ACYP2: variants seen among roughly 807,000 people sequenced by gnomAD.
ACYP2 encodes acylphosphatase-2.
In ACYP2, 12 loss-of-function variants were observed where a neutral mutation model predicts 11.2. The ratio of observed to expected loss-of-function variants is 1.08; its 90% CI spans 0.69 to 1.74. The LOEUF is 1.74. Among genes scored for constraint, ACYP2 ranks in the 40% most tolerant of loss-of-function variants. ACYP2 has a pLI of 0.00. For missense variants in ACYP2, 134 were observed against 101.9 expected, an observed-to-expected ratio of 1.31 and a Z score of -1.35; for synonymous variants, 43 against 32.2, an observed-to-expected ratio of 1.33 and a Z score of -1.13.
chr2:53,984,794 C>G (rs1236196007), intron 2 of ACYP2, among the ~76,000 whole-genome samples: 1 of 151,490 alleles, frequency 6.6e-6, no homozygotes, highest in African/African-American at 2.4e-5. Context: ...AAAACAAAAC[C>G]CAACATCTTA....
At chr2:54,243,715 G>T (rs1686828406) in intron 6 of ACYP2, among the ~76,000 whole-genome samples, 1 of 152,040 alleles carries the variant, frequency 6.6e-6, no homozygotes. Context: ...GATTACAGAT[G>T]CATGCCACCA....
At chr2:54,021,037 G>T (rs1424350928) in intron 2 of ACYP2, among the ~76,000 whole-genome samples, 1 of 152,192 alleles carries the variant, frequency 6.6e-6, no homozygotes, top group African/African-American at 2.4e-5. Context: ...TTGAACAAGG[G>T]AGGGGAAGGG....
intron 2 of ACYP2, among the ~76,000 whole-genome samples, chr2:54,046,737 C>G (rs1404241390): frequency 1.3e-5 from 2 of 152,110 alleles, no homozygotes; most frequent in African/African-American, 2.4e-5. Context: ...GGGCTTGCAC[C>G]CGTTGGTTCA....
chr2:54,263,745 A>G (rs1246588851), intron 6 of ACYP2, among the ~76,000 whole-genome samples: 5 of 152,236 alleles, frequency 3.3e-5, no homozygotes, highest in African/African-American at 1.2e-4. Flanking sequence ...TTTCAAGATG[A>G]TAATTCAGCA....
intron 2 of ACYP2, among the ~76,000 whole-genome samples, chr2:54,028,783 TA>T (rs1265540821): frequency 6.6e-6 from 1 of 152,174 alleles, no homozygotes; most frequent in Non-Finnish European, 1.5e-5. Flanking sequence ...GAAGGGCATA[TA>T]ACCATCTGTA....
At chr2:54,200,643 A>C (rs1277568319) in intron 6 of ACYP2, among the ~76,000 whole-genome samples, 1 of 152,160 alleles carries the variant, frequency 6.6e-6, no homozygotes, top group Non-Finnish European at 1.5e-5. Flanking sequence ...CATTTTGTTG[A>C]TCCATTCATC....
chr2:54,004,595 T>C (rs1672963792), intron 2 of ACYP2, among the ~76,000 whole-genome samples: 1 of 151,318 alleles, frequency 6.6e-6, no homozygotes, highest in South Asian at 2.1e-4. Flanking sequence ...GTATTTTTAG[T>C]AGAGACGGGT....
chr2:54,078,759 C>T (rs1164866539), intron 4 of ACYP2, among the ~76,000 whole-genome samples: 7 of 151,906 alleles, frequency 4.6e-5, no homozygotes, highest in African/African-American at 1.5e-4. Flanking sequence ...CCACCACACC[C>T]GCTAATTTTT....
At chr2:54,025,664 T>C (rs1674244850) in intron 2 of ACYP2, among the ~76,000 whole-genome samples, 1 of 152,238 alleles carries the variant, frequency 6.6e-6, no homozygotes, top group East Asian at 1.9e-4. Context: ...GACATTGTCT[T>C]AGTCTGAGAC....
At chr2:54,296,781 A>G (rs1489726783) in intron 6 of ACYP2, among the ~76,000 whole-genome samples, 1 of 152,220 alleles carries the variant, frequency 6.6e-6, no homozygotes, top group Admixed American at 6.5e-5. Flanking sequence ...CATGGTTATC[A>G]AATAACCTGA....
At chr2:54,280,883 G>A (rs17189820) in intron 6 of ACYP2, among the ~76,000 whole-genome samples, 24,680 of 152,068 alleles carry the variant, frequency 0.16, 2,423 homozygotes, top group Non-Finnish European at 0.21. Context: ...ATTCCACTGA[G>A]TGGGTAGCAT....
chr2:54,001,718 T>C (rs1672813035), intron 2 of ACYP2, among the ~76,000 whole-genome samples: 1 of 152,206 alleles, frequency 6.6e-6, no homozygotes, highest in Non-Finnish European at 1.5e-5. Flanking sequence ...CTGCGTCCTA[T>C]TCCTGCAGAA....
chr2:54,260,718 A>C (rs1057078609), intron 6 of ACYP2, among the ~76,000 whole-genome samples: 5 of 152,172 alleles, frequency 3.3e-5, no homozygotes, highest in Non-Finnish European at 5.9e-5. Context: ...AATCCCATTC[A>C]TGAATCCAAG....
At chr2:53,983,478 C>T (rs1287000800) in intron 2 of ACYP2, among the ~76,000 whole-genome samples, 1 of 152,048 alleles carries the variant, frequency 6.6e-6, no homozygotes, top group Non-Finnish European at 1.5e-5. Flanking sequence ...TGCCCTCCAG[C>T]CTAGGCAACA....
At chr2:54,074,578 TTG>T (rs59845178) in intron 4 of ACYP2, among the ~76,000 whole-genome samples, 22,774 of 145,656 alleles carry the variant, frequency 0.16, 1,724 homozygotes, top group African/African-American at 0.19. Flanking sequence ...AGAACAGAAT[TTG>T]TGTGTGTGTG....
intron 5 of ACYP2, among the ~76,000 whole-genome samples, chr2:54,137,002 G>C (rs1681284717): frequency 6.6e-6 from 1 of 152,044 alleles, no homozygotes; most frequent in Non-Finnish European, 1.5e-5. Flanking sequence ...AGTTCTAGTA[G>C]ACTGGATCAA....
rs60289014 is a variant in ACYP2 at position 54,013,255 on chromosome 2, ATGTGTGTGTGTGTGTG to A, written c.63-37657_63-37642del. 2.9e-3 allele frequency among the ~76,000 whole-genome samples: 345 copies of A among 117,600 alleles called. 6 individuals carry two copies. Among genetic ancestry groups the A allele is most frequent in the East Asian group, 0.021 (81 of 3,800 alleles). 77.2% of individuals were successfully genotyped at this position (117,600 alleles called of 152,430 possible). A position where few individuals can be genotyped will look rare whatever the true frequency, so the allele number is the denominator to read the frequency against. ...AATATAACATTTACCACCATCTAAT[ATGTGTGTGTGTGTGTG>A]TGTGTGTGTGTGTGTGTGTGTGTGT... On this transcript the variant is annotated intron_variant, in intron 2 of 6. Coordinates refer to ENST00000607452, the MANE Select transcript of ACYP2 (RefSeq NM_001320586.2).
intron 6 of ACYP2, among the ~76,000 whole-genome samples, chr2:54,159,089 A>G (rs1322470706): frequency 6.6e-6 from 1 of 152,080 alleles, no homozygotes; most frequent in African/African-American, 2.4e-5. Context: ...TTATAGGTTT[A>G]CTACTATAAA....
At chr2:54,014,763 A>C (rs1285892235) in intron 2 of ACYP2, among the ~76,000 whole-genome samples, 1 of 150,906 alleles carries the variant, frequency 6.6e-6, no homozygotes, top group Non-Finnish European at 1.5e-5. Flanking sequence ...CTTTTTATTT[A>C]TTTATTTATC....
Sources: gnomAD v4.1 joint callset for allele counts (sites outside exome capture counted in the v4.1 genomes callset) on GRCh38, gnomAD v4.1.1 for gene constraint, MANE v1.5 for transcripts, NCBI Gene and HGNC (gene_info 2026-07-23, HGNC 2026-07-21) for gene names.